The following DMD variants were observed in gnomAD, a reference collection of about 807,000 sequenced individuals.
DMD encodes mutant dystrophin.
In DMD, 63 loss-of-function variants were observed where a neutral mutation model predicts 330.1. That is an observed-to-expected ratio of 0.19 (90% CI 0.16 to 0.24). The LOEUF (loss-of-function observed/expected upper bound fraction) is 0.24, where lower values mean the gene tolerates loss of function less well. Ranked by LOEUF, DMD falls within the 10% of genes least tolerant of loss-of-function variation. The pLI, the probability that DMD is intolerant of heterozygous loss-of-function variation, is 1.00. For missense variants in DMD, 3,344 were observed against 2,684.1 expected, an observed-to-expected ratio of 1.25 and a Z score of -5.43; for synonymous variants, 1,223 against 959.8, an observed-to-expected ratio of 1.27 and a Z score of -5.07.
At chrX:32,037,375 G>A (rs906848159) in intron 44 of DMD, among the ~76,000 whole-genome samples, 9 of 111,710 alleles carry the variant, frequency 8.1e-5, no homozygotes, top group African/African-American at 2.0e-4. Flanking sequence ...AAAAACTAGC[G>A]TGCTTTATTA....
chrX:32,561,657 T>A (rs1386885452), intron 16 of DMD, among the ~76,000 whole-genome samples: 1 of 111,023 alleles, frequency 9.0e-6, no homozygotes, highest in Non-Finnish European at 1.9e-5. Flanking sequence ...AAATACAAGA[T>A]ACTCACTGAG....
chrX:31,787,153 C>A (rs938285411), intron 50 of DMD, among the ~76,000 whole-genome samples: 1 of 111,178 alleles, frequency 9.0e-6, no homozygotes, highest in South Asian at 3.8e-4. Context: ...TGGTAGAACA[C>A]CTGAGGTCCG....
chrX:32,524,395 C>A (rs2046754968), intron 17 of DMD, among the ~76,000 whole-genome samples: 1 of 112,054 alleles, frequency 8.9e-6, no homozygotes, highest in Non-Finnish European at 1.9e-5. Context: ...CCATAAAGAA[C>A]AGAGACGAGA....
intron 11 of DMD, among the ~76,000 whole-genome samples, chrX:32,626,528 T>C (rs1342338272): frequency 1.9e-5 from 2 of 105,306 alleles, no homozygotes; most frequent in Non-Finnish European, 3.8e-5. Context: ...GTGGTTCTTA[T>C]AGATAGATTA....
At chrX:32,003,351 A>C (rs1028203306) in intron 44 of DMD, among the ~76,000 whole-genome samples, 15 of 111,937 alleles carry the variant, frequency 1.3e-4, no homozygotes, top group Non-Finnish European at 2.6e-4. Context: ...GGATTTTGGC[A>C]AACTATTTTA....
At chrX:31,737,148 G>A (rs1172333147) in intron 51 of DMD, among the ~76,000 whole-genome samples, 1 of 111,668 alleles carries the variant, frequency 9.0e-6, no homozygotes, top group Non-Finnish European at 1.9e-5. Flanking sequence ...AGGATCACAT[G>A]GTAATAAGTG....
chrX:31,868,370 C>G (rs896447979), intron 48 of DMD, among the ~76,000 whole-genome samples: 13 of 111,965 alleles, frequency 1.2e-4, no homozygotes, highest in African/African-American at 4.2e-4. Flanking sequence ...CAGAATGAAA[C>G]ATTAATCTTT....
chrX:32,649,266 T>C (rs1185973400), intron 9 of DMD, among the ~76,000 whole-genome samples: 1 of 109,951 alleles, frequency 9.1e-6, no homozygotes, highest in Non-Finnish European at 1.9e-5. Context: ...TTAAAAAAGG[T>C]GGAAGAGGCC....
intron 55 of DMD, among the ~76,000 whole-genome samples, chrX:31,599,656 A>G (rs752714817): frequency 8.9e-6 from 1 of 112,300 alleles, no homozygotes; most frequent in African/African-American, 3.2e-5. Context: ...TTGACACTGA[A>G]ATGCTGAAGA....
chrX:31,438,416 G>C (rs192231102), intron 60 of DMD, among the ~76,000 whole-genome samples: 29 of 111,963 alleles, frequency 2.6e-4, no homozygotes, highest in African/African-American at 8.1e-4. Flanking sequence ...CAGACCCACT[G>C]AATCATTTGA....
intron 30 of DMD, among the ~76,000 whole-genome samples, chrX:32,404,897 C>T (rs2098108781): frequency 9.0e-6 from 1 of 111,272 alleles, no homozygotes; most frequent in African/African-American, 3.3e-5. Flanking sequence ...TTCTTTTTGT[C>T]TAAATTAAAA....
chrX:33,082,078 A>C (rs2094938994), intron 1 of DMD, among the ~76,000 whole-genome samples: 1 of 110,907 alleles, frequency 9.0e-6, no homozygotes, highest in Non-Finnish European at 1.9e-5. Flanking sequence ...GTGGCAAGAC[A>C]AAAAAATTAA....
At chrX:31,854,593 C>A (rs2093584668) in intron 48 of DMD, among the ~76,000 whole-genome samples, 1 of 111,665 alleles carries the variant, frequency 9.0e-6, no homozygotes, top group African/African-American at 3.3e-5. Context: ...TAGGGCACAA[C>A]CTAACATATG....
At chrX:32,991,730 A>G (rs935233996) in intron 2 of DMD, among the ~76,000 whole-genome samples, 1 of 111,829 alleles carries the variant, frequency 8.9e-6, no homozygotes, top group African/African-American at 3.3e-5. Context: ...AAAAGCCAAC[A>G]TACAAATGTT....
intron 17 of DMD, among the ~76,000 whole-genome samples, chrX:32,534,173 C>T (rs1309978156): frequency 8.9e-6 from 1 of 112,158 alleles, no homozygotes; most frequent in Admixed American, 9.4e-5. Context: ...CTATAGGCTA[C>T]AATTCCAAAA....
rs369659071 is a variant in DMD, at chrX:32,501,804, C to G, written c.2331G>C (p.Leu777=). ...EREKAEKFRK[L]QDASRSAQAL... ...CCTGAGCTGATCTGCTGGCATCTTG[C>G]AGTTTTCTGAACTTCTCAGCTTTTT... Residue 777 remains leucine, a synonymous_variant, in exon 19 of 79, where the codon CTG becomes CTC. Transcript: ENST00000357033. The G allele has an allele frequency of 4.0e-5, 48 of 1,207,677 alleles. No individual in the cohort carries two copies. The African/African-American group carries it at 7.7e-4, about 19-fold the overall frequency.
chrX:31,739,183 A>G (rs551761394), intron 51 of DMD, among the ~76,000 whole-genome samples: 3 of 111,886 alleles, frequency 2.7e-5, no homozygotes, highest in South Asian at 7.5e-4. Context: ...GTATCAAAAC[A>G]TCTCAAGTAC....
intron 61 of DMD, among the ~76,000 whole-genome samples, chrX:31,330,838 C>CAT (rs2057083566): frequency 9.0e-6 from 1 of 111,471 alleles, no homozygotes; most frequent in Non-Finnish European, 1.9e-5. Context: ...TGATGTGACG[C>CAT]ATATAGTTCC....
intron 17 of DMD, among the ~76,000 whole-genome samples, chrX:32,519,815 T>G (rs1291227346): frequency 8.9e-6 from 1 of 112,228 alleles, no homozygotes; most frequent in Non-Finnish European, 1.9e-5. Flanking sequence ...CAGGCTATTG[T>G]TTAAAAATTA....
Sources: gnomAD v4.1 joint callset for allele counts (sites outside exome capture counted in the v4.1 genomes callset) on GRCh38, gnomAD v4.1.1 for gene constraint, MANE v1.5 for transcripts, NCBI Gene and HGNC (gene_info 2026-07-23, HGNC 2026-07-21) for gene names.